The following ATG9B variants were observed in gnomAD, a reference collection of about 807,000 sequenced individuals.
ATG9B encodes autophagy related 9B.
Under a neutral mutation model 92.9 loss-of-function variants are expected in ATG9B, and 92 were observed. The ratio of observed to expected loss-of-function variants is 0.99; its 90% confidence interval spans 0.84 to 1.18. The LOEUF is 1.18. Ranked by LOEUF, ATG9B falls within the 50% of genes most tolerant of loss-of-function variation. The pLI is 0.00. For missense variants in ATG9B, 1,344 were observed against 1,235.0 expected (o/e 1.09, Z -1.32); for synonymous variants, 599 against 551.4 (o/e 1.09, Z -1.21).
In ATG9B at chr7:151,018,367, A is replaced by G. The variant is rs778714657; in HGVS notation, c.1799T>C (p.Leu600Pro). The G allele has an allele frequency of 4.4e-6, 7 of 1,597,862 alleles. No homozygotes were observed. The South Asian group carries it at 4.5e-5, about 10-fold the overall frequency. The stretch of plus-strand genomic sequence containing the variant: ...GCCGCCGGGGCCGGGCTCCTCCGGG[A>G]GGTAGTGCATGTGGGCCAGGGCTGT... ...LQTALAHMHY[L>P]PEEPGPGGRD... Residue 600 changes from leucine to proline, a missense_variant, in exon 7 of 14, where the codon CTC (leucine) becomes CCC (proline). Leu to Pro is a moderately conservative substitution (Grantham distance 98, BLOSUM62 -3). Transcript: ENST00000639579. This position sits in a 1 kb window ranked among gnomAD's most constrained non-coding sequence, Gnocchi z 4.7.
rs1176408251 is a variant in ATG9B, at chr7:151,023,121, G to A, written c.745C>T (p.His249Tyr). 6 of 1,614,038 alleles carry A rather than the reference G, an allele frequency of 3.7e-6. No individual in the cohort carries two copies. Among genetic ancestry groups the A allele is most frequent in the Non-Finnish European group, 5.1e-6 (6 of 1,180,044 alleles). The change falls in exon 4 of 14, where the codon CAT (histidine) becomes TAT (tyrosine). Residue 249 changes from histidine (H) to tyrosine (Y), a missense_variant. His to Tyr is a moderately conservative substitution (Grantham distance 83, BLOSUM62 2). Coordinates refer to ENST00000639579, the MANE Select transcript of ATG9B (RefSeq NM_001317056.2). ...CTGTGGAACGGCCCAGGTCTGGTATGGTTACTTGGTTGGTTGGCAAAGAGA... is the reference window on the plus strand; with the variant it reads ...CTGTGGAACGGCCCAGGTCTGGTATAGTTACTTGGTTGGTTGGCAAAGAGA... ...NVLFANQPSNHTRPGPFHSKV... is the reference protein window; with the variant it reads ...NVLFANQPSNYTRPGPFHSKV...
chr7:151,013,955 T>C, downstream of ATG9B: 1 of 1,605,512 alleles, frequency 6.2e-7, no homozygotes, highest in East Asian at 2.2e-5. Context: ...CGTGCGGGGT[T>C]CCTGCTAAGG....
rs764922490 is a variant in ATG9B at position 151,023,038 on chromosome 7, C to T, written c.821+7G>A. ...CACCCCCAGGGCCCCACCAGGTTGT[C>T]ACTAACCTCTCAGCACACTGGGCTG... On this transcript the variant is annotated splice_region_variant and intron_variant, in intron 4 of 13. Coordinates refer to ENST00000639579, the MANE Select transcript of ATG9B (RefSeq NM_001317056.2). 1 of 1,614,120 alleles carries T rather than the reference C, an allele frequency of 6.2e-7. No homozygotes were observed. The highest frequency in any genetic ancestry group is 8.5e-7 in the Non-Finnish European group (1 of 1,180,022).
chr7:151,021,325 G>A lies in ATG9B; in HGVS notation c.826C>T (p.Arg276Cys), dbSNP rs772946025. 53 of 1,606,394 alleles carry A rather than the reference G, an allele frequency of 3.3e-5. No individual in the cohort carries two copies. Among genetic ancestry groups the A allele is most frequent in the East Asian group, 1.1e-4 (5 of 44,736 alleles). The change falls in exon 5 of 14, where the codon CGC becomes TGC. Residue 276 changes from arginine to cysteine, a missense_variant. Coordinates refer to ENST00000639579, the MANE Select transcript of ATG9B (RefSeq NM_001317056.2). ...AGGAGGACCAGCAGCGGGCTGGAGC[G>A]GATCCTGTATGGGGTTGGGCGGGCA... is the stretch of plus-strand genomic sequence containing the variant. Reference protein sequence around the residue: ...LPSAQCAERIRSSPLLVLLLV... With the variant: ...LPSAQCAERICSSPLLVLLLV...
chr7:151,024,401 C>A lies in ATG9B; in HGVS notation c.23G>T (p.Gly8Val), dbSNP rs73472577. 163 of 1,374,422 alleles carry A rather than the reference C, an allele frequency of 1.2e-4. No homozygotes were observed. The highest frequency in any genetic ancestry group is 2.4e-4 in the Middle Eastern group (1 of 4,242). 85.1% of individuals were successfully genotyped at this position (1,374,422 alleles called of 1,614,324 possible). Residue 8 changes from glycine to valine, a missense_variant, in exon 1 of 14, where the codon GGG (glycine) becomes GTG (valine). Transcript: ENST00000639579. MVSRMGW[G>V]GRRRRLGRWG... ...CCGCCCCAGCCGCCTTCTTCTCCCC[C>A]CCCAGCCCATTCGGCTCACCATCAG... is the stretch of plus-strand genomic sequence containing the variant.
In ATG9B at chr7:151,018,467, G is replaced by C. The variant is rs965148188; in HGVS notation, c.1719-20C>G. ...AAAGACCTGAAAGGCGGGATCCGTG[G>C]GGGGAAGGGGCCTGCGATTAGGAGG... On this transcript the variant is annotated intron_variant, in intron 6 of 13. Coordinates refer to ENST00000639579, the MANE Select transcript of ATG9B (RefSeq NM_001317056.2). The surrounding 1 kb of genome is among the most constrained non-coding windows in gnomAD (Gnocchi z 4.7). 3.3e-6 allele frequency: 5 copies of C among 1,519,846 alleles called. No individual in the cohort carries two copies. In the African/African-American group the frequency reaches 5.6e-5, roughly 17 times the overall value. The allele number at this position is 1,519,846 out of a possible 1,614,324, so 94.1% of individuals were successfully genotyped here. A position where few individuals can be genotyped will look rare whatever the true frequency, so the allele number is the denominator to read the frequency against.
chr7:151,021,358 A>T, intron 4 of ATG9B, 29 bp from the exon 5 acceptor site: 2 of 1,551,918 alleles, frequency 1.3e-6, no homozygotes. Context: ...GCAGTGGGGG[A>T]GAAAGGTGGG....
rs768864079 is a variant in ATG9B, at chr7:151,021,236, G to A, written c.915C>T (p.Ser305=). Residue 305 remains serine (S), a synonymous_variant, in exon 5 of 14, where the codon AGC becomes AGT. Coordinates refer to ENST00000639579, the MANE Select transcript of ATG9B (RefSeq NM_001317056.2). The part of the protein sequence containing the change: ...QLLRSVCNLF[S]YWDIQVFYRE... Reference sequence around the variant, plus strand: ...TGTAAAACACCTGGATGTCCCAGTAGCTGAAGAGGTTGCAGACTGAGCGAA... The same window carrying A: ...TGTAAAACACCTGGATGTCCCAGTAACTGAAGAGGTTGCAGACTGAGCGAA... 6 of 1,613,458 alleles carry A rather than the reference G, an allele frequency of 3.7e-6. No homozygotes were observed. The African/African-American group carries it at 6.7e-5, about 18-fold the overall frequency.
chr7:151,020,932 C>T, intron 5 of ATG9B: 1 of 382,572 alleles, frequency 2.6e-6, no homozygotes, highest in Non-Finnish European at 4.7e-6. Context: ...ATGTTTTTAG[C>T]ACAAACATGT....
rs1795590073 is a variant in ATG9B, at chr7:151,018,282, G to A, written c.1872+12C>T. On this transcript the variant is annotated intron_variant, in intron 7 of 13. Transcript: ENST00000639579. The surrounding 1 kb of genome is among the most constrained non-coding windows in gnomAD (Gnocchi z 4.7). ...AACTTCCTCCTCAGCCCGCCGTCGC[G>A]CCCACCCTCACCGCTCGGTACTGCA... The A allele has an allele frequency of 6.5e-7, 1 of 1,528,372 alleles. No homozygotes were observed. The highest frequency in any genetic ancestry group is 8.7e-7 in the Non-Finnish European group (1 of 1,146,412). The allele number at this position is 1,528,372 out of a possible 1,614,324, so 94.7% of individuals were successfully genotyped here.
At position 151,024,203 on chromosome 7, in the gene ATG9B, G is replaced by A. The variant is rs1795867427; in HGVS notation, c.221C>T (p.Pro74Leu). Residue 74 changes from proline to leucine, a missense_variant, in exon 1 of 14, where the codon CCT (proline) becomes CTT (leucine). Coordinates refer to ENST00000639579, the MANE Select transcript of ATG9B (RefSeq NM_001317056.2). ...CCCTGTCCCCTGTAGCACTGAGCAA[G>A]GGGGCCCTGCGGTGGGAGGGGAAAA... ...SSFSPPTAGP[P>L]CSVLQGTGAS... is the part of the protein sequence containing the mutation. 2.0e-6 allele frequency: 3 copies of A among 1,505,348 alleles called. No homozygotes were observed. The highest frequency in any genetic ancestry group is 2.7e-5 in the South Asian group (2 of 73,116). The allele number at this position is 1,505,348 out of a possible 1,614,324, so 93.2% of individuals were successfully genotyped here. A position where few individuals can be genotyped will look rare whatever the true frequency, so the allele number is the denominator to read the frequency against.
rs553338570 is a variant in ATG9B at position 151,021,192 on chromosome 7, G to C, written c.959C>G (p.Pro320Arg). ...QVFYREALHI[P>R]PEELSSVPWA... ...AGACACAGCCACCCAGCTCACCGGG[G>C]GGATGTGCAGGGCCTCCCTGTAAAA... is the stretch of plus-strand genomic sequence containing the variant. Residue 320 changes from proline to arginine, a missense_variant, in exon 5 of 14, where the codon CCC becomes CGC. Coordinates refer to ENST00000639579, the MANE Select transcript of ATG9B (RefSeq NM_001317056.2). 2 of 1,613,178 alleles carry C rather than the reference G, an allele frequency of 1.2e-6. No individual in the cohort carries two copies. Among genetic ancestry groups the C allele is most frequent in the African/African-American group, 2.7e-5 (2 of 74,874 alleles).
Position 151,018,465 on chromosome 7 carries a change from TG to T in ATG9B, c.1719-19del. 2.0e-6 allele frequency: 3 copies of T among 1,517,684 alleles called. No individual in the cohort carries two copies. The highest frequency in any genetic ancestry group is 8.8e-7 in the Non-Finnish European group (1 of 1,133,770). 94.0% of individuals were successfully genotyped at this position (1,517,684 alleles called of 1,614,324 possible). ...TGAAAGACCTGAAAGGCGGGATCCG[TG>T]GGGGGAAGGGGCCTGCGATTAGGAG... is the stretch of plus-strand genomic sequence containing the variant. On this transcript the variant is annotated intron_variant, in intron 6 of 13. Coordinates refer to ENST00000639579, the MANE Select transcript of ATG9B (RefSeq NM_001317056.2). The surrounding 1 kb of genome is among the most constrained non-coding windows in gnomAD (Gnocchi z 4.7).
At chr7:151,021,988 CTTCT>C (rs1314294438) in intron 4 of ATG9B, among the ~76,000 whole-genome samples, 1 of 136,006 alleles carries the variant, frequency 7.4e-6, no homozygotes, top group Admixed American at 7.1e-5. Flanking sequence ...CTACAATTTC[CTTCT>C]TTTTTTTTTT....
Position 151,017,884 on chromosome 7 carries a change from T to C in ATG9B, c.2039A>G (p.His680Arg). 1 of 1,608,128 alleles carries C rather than the reference T, an allele frequency of 6.2e-7. No homozygotes were observed. The change falls in exon 8 of 14, where the codon CAC (histidine) becomes CGC (arginine). Residue 680 changes from histidine (H) to arginine (R), a missense_variant. Physicochemically the swap from His to Arg is conservative, Grantham distance 29. Transcript: ENST00000639579. ...CSFALMDVKR[H>R]GHPQWLSAGQ... ...AACGGCTCTGACCTGAGGGTGTCCG[T>C]GGCGCTTCACATCCATAAGGGCAAA...
In ATG9B at chr7:151,018,359, C is replaced by T. The variant is rs767935650; in HGVS notation, c.1807G>A (p.Glu603Lys). ...ALAHMHYLPE[E>K]PGPGGRDRAY... ...CGGTCCCTGCCGCCGGGGCCGGGCT[C>T]CTCCGGGAGGTAGTGCATGTGGGCC... is the stretch of plus-strand genomic sequence containing the variant. The change falls in exon 7 of 14, where the codon GAG (glutamate) becomes AAG (lysine). Residue 603 changes from glutamate (E) to lysine (K), a missense_variant. By Grantham distance (56) the Glu-to-Lys change is moderately conservative. Coordinates refer to ENST00000639579, the MANE Select transcript of ATG9B (RefSeq NM_001317056.2). The surrounding 1 kb of genome is among the most constrained non-coding windows in gnomAD (Gnocchi z 4.7). The T allele has an allele frequency of 3.1e-6, 5 of 1,599,826 alleles. No individual in the cohort carries two copies. The Admixed American group carries it at 8.6e-5, about 28-fold the overall frequency.
At chr7:151,014,181 C>G (rs773809579), downstream of ATG9B, 3 of 1,591,096 alleles carry the variant, frequency 1.9e-6, no homozygotes, top group Admixed American at 3.4e-5. Flanking sequence ...AGCCGCCTGG[C>G]TTTCCCTTCC....
At chr7:151,013,480 TC>T, downstream of ATG9B, 2 of 1,420,292 alleles carry the variant, frequency 1.4e-6, no homozygotes, top group East Asian at 2.4e-5. Context: ...TCCCGTGGCC[TC>T]CCACGACCAC....
intron 8 of ATG9B, 54 bp downstream of exon 8, chr7:151,017,817 G>A: frequency 6.7e-7 from 1 of 1,501,184 alleles, no homozygotes; most frequent in Non-Finnish European, 8.9e-7. Context: ...GCTCCCGAGA[G>A]GCAAGCGAAC....
Sources: allele counts gnomAD v4.1 joint callset (sites outside exome capture counted in the v4.1 genomes callset), GRCh38; gene constraint gnomAD v4.1.1; non-coding constraint Gnocchi (gnomAD v3.1); transcripts MANE v1.5; gene names NCBI Gene and HGNC (gene_info 2026-07-23, HGNC 2026-07-21).